The following DOP1A variants were observed in gnomAD, a reference collection of about 807,000 sequenced individuals.
The protein encoded by DOP1A is DOP1 leucine zipper like protein A.
Under a neutral mutation model 267.6 loss-of-function variants are expected in DOP1A, and 90 were observed. The observed-to-expected ratio is 0.34, with a 90% CI of 0.28 to 0.40. The LOEUF is 0.40. Among genes scored for constraint, DOP1A ranks in the 10% least tolerant of loss-of-function variants. DOP1A has a pLI of 1.00. For missense variants in DOP1A, 2,437 were observed against 2,900.4 expected, an observed-to-expected ratio of 0.84 and a Z score of 3.67; for synonymous variants, 932 against 999.1, an observed-to-expected ratio of 0.93 and a Z score of 1.27.
rs1296450423 is a variant in DOP1A at position 83,153,613 on chromosome 6, A to T, written c.6232A>T (p.Asn2078Tyr). Residue 2078 changes from asparagine to tyrosine, a missense_variant, in exon 31 of 39, where the codon AAT (asparagine) becomes TAT (tyrosine). This residue lies in a region of DOP1A where 216 missense variants were observed against 283.3 expected (regional missense o/e 0.76). Coordinates refer to ENST00000349129, the MANE Select transcript of DOP1A (RefSeq NM_015018.4). ...GCATTATGTTGTGCCCTACCTCAGA[A>T]ATCACAGGTACTATCATTATTTAAA... ...IMHYVVPYLR[N>Y]HSAHNAPSYR... is the part of the protein sequence containing the mutation. 2 of 1,589,246 alleles carry T rather than the reference A, an allele frequency of 1.3e-6. No homozygotes were observed. The highest frequency in any genetic ancestry group is 1.7e-6 in the Non-Finnish European group (2 of 1,166,496).
chr6:83,110,430 C>A, intron 6 of DOP1A, 116 bp downstream of exon 6: 2 of 1,072,470 alleles, frequency 1.9e-6, no homozygotes, highest in Non-Finnish European at 2.6e-6. Flanking sequence ...ATCGAGCTTA[C>A]ATTTATCAAG....
chr6:83,145,472 C>A, intron 24 of DOP1A, 52 bp from the exon 25 acceptor site: 1 of 1,402,574 alleles, frequency 7.1e-7, no homozygotes, highest in Non-Finnish European at 9.6e-7. Flanking sequence ...CTGTAACTTC[C>A]CCTAAAAGAC....
chr6:83,155,985 T>C lies in DOP1A; in HGVS notation c.6486T>C (p.Asn2162=). Residue 2162 remains asparagine (N), a synonymous_variant, in exon 34 of 39, where the codon AAT becomes AAC. Transcript: ENST00000349129. ...RVAVAQSSSL[N]LFANRDVELE... ...CAGTGGCTCAAAGCAGTTCACTTAATCTCTTTGCAAACCGTGATGTGGAGC... is the reference window on the plus strand; with the variant it reads ...CAGTGGCTCAAAGCAGTTCACTTAACCTCTTTGCAAACCGTGATGTGGAGC... 1.1e-5 allele frequency: 17 copies of C among 1,614,026 alleles called. No individual in the cohort carries two copies. Among genetic ancestry groups the C allele is most frequent in the Non-Finnish European group, 1.4e-5 (16 of 1,179,962 alleles).
At chr6:83,077,613 C>T (rs1028512404) in intron 1 of DOP1A, among the ~76,000 whole-genome samples, 7 of 151,990 alleles carry the variant, frequency 4.6e-5, no homozygotes, top group African/African-American at 7.3e-5. Context: ...GAGTTAGAGA[C>T]GTCAGTGAGC....
At chr6:83,141,869 TG>T (rs1779703192) in intron 23 of DOP1A, 51 bp from the exon 24 acceptor site, 2 of 1,562,204 alleles carry the variant, frequency 1.3e-6, no homozygotes, top group African/African-American at 2.8e-5. Context: ...TAGTTGTAAA[TG>T]TTTTTTCATT....
At chr6:83,159,442 GTTTT>G (rs566662199) in intron 36 of DOP1A, among the ~76,000 whole-genome samples, 1 of 141,124 alleles carries the variant, frequency 7.1e-6, no homozygotes, top group Non-Finnish European at 1.6e-5. Flanking sequence ...CCTGGCTAGT[GTTTT>G]TTTTTTTTGT....
intron 7 of DOP1A, among the ~76,000 whole-genome samples, chr6:83,117,690 T>C (rs959751012): frequency 1.3e-5 from 2 of 152,138 alleles, no homozygotes; most frequent in Non-Finnish European, 2.9e-5. Flanking sequence ...CCCAATAACA[T>C]CTTTGTATTG....
chr6:83,089,670 A>T (rs1456694429), intron 1 of DOP1A, among the ~76,000 whole-genome samples: 6 of 152,254 alleles, frequency 3.9e-5, no homozygotes, highest in Non-Finnish European at 1.5e-5. Context: ...TTTTATTTTT[A>T]TTTTTTTAAG....
chr6:83,169,840 C>T, downstream of DOP1A: 1 of 456,550 alleles, frequency 2.2e-6, no homozygotes, highest in Non-Finnish European at 4.4e-6. Context: ...AAGTCTTGAC[C>T]CCTGTCAGGG....
At chr6:83,133,980 T>C (rs1778486753) in intron 18 of DOP1A, among the ~76,000 whole-genome samples, 1 of 152,114 alleles carries the variant, frequency 6.6e-6, no homozygotes, top group African/African-American at 2.4e-5. Flanking sequence ...AGATGATCCT[T>C]TTAAGTTCAA....
chr6:83,102,720 G>A (rs985124940), intron 4 of DOP1A, among the ~76,000 whole-genome samples: 8 of 152,100 alleles, frequency 5.3e-5, no homozygotes, highest in Non-Finnish European at 7.4e-5. Flanking sequence ...TAATGTTACC[G>A]TCTTGCTAAA....
At chr6:83,134,375 A>G in intron 19 of DOP1A, 88 bp downstream of exon 19, 2 of 1,002,326 alleles carry the variant, frequency 2.0e-6, no homozygotes, top group Non-Finnish European at 2.8e-6. Flanking sequence ...TGGCAAGTGT[A>G]GGAGATAGCA....
chr6:83,153,153 TG>T (rs2128342441), intron 30 of DOP1A, among the ~76,000 whole-genome samples: 1 of 129,600 alleles, frequency 7.7e-6, no homozygotes, highest in East Asian at 2.2e-4. Flanking sequence ...TTCAATTGTT[TG>T]TTTTTTTTTC....
At chr6:83,092,769 C>T (rs559848546) in intron 1 of DOP1A, among the ~76,000 whole-genome samples, 8 of 152,100 alleles carry the variant, frequency 5.3e-5, no homozygotes, top group Non-Finnish European at 1.0e-4. Context: ...TGTGCTACCA[C>T]AACAGTCAGT....
At chr6:83,086,348 G>A (rs1266830194) in intron 1 of DOP1A, among the ~76,000 whole-genome samples, 1 of 152,176 alleles carries the variant, frequency 6.6e-6, no homozygotes, top group African/African-American at 2.4e-5. Flanking sequence ...TTCATTAAGT[G>A]GAAGTGGATC....
At chr6:83,160,605 CAGTTTT>C (rs1209239504) in intron 37 of DOP1A, among the ~76,000 whole-genome samples, 1 of 151,876 alleles carries the variant, frequency 6.6e-6, no homozygotes, top group Non-Finnish European at 1.5e-5. Flanking sequence ...ATGAAGGAGG[CAGTTTT>C]ATCTTAGATG....
chr6:83,069,777 T>C (rs1180929854), intron 1 of DOP1A, among the ~76,000 whole-genome samples: 1 of 152,192 alleles, frequency 6.6e-6, no homozygotes, highest in Non-Finnish European at 1.5e-5. Context: ...AGTGTAGTTA[T>C]TGATTTTATT....
chr6:83,120,266 T>C (rs777562050), intron 9 of DOP1A, among the ~76,000 whole-genome samples: 4 of 151,870 alleles, frequency 2.6e-5, no homozygotes, highest in Admixed American at 6.6e-5. Flanking sequence ...ATACATGGTA[T>C]CTGAAGCATT....
chr6:83,093,220 C>T (rs1017887360), intron 1 of DOP1A, among the ~76,000 whole-genome samples: 11 of 152,178 alleles, frequency 7.2e-5, no homozygotes, highest in Admixed American at 4.6e-4. Flanking sequence ...GTGCTTGGCA[C>T]ATGGTATGCT....
Sources: allele counts gnomAD v4.1 joint callset (sites outside exome capture counted in the v4.1 genomes callset), GRCh38; gene constraint gnomAD v4.1.1; regional missense constraint gnomAD v4.1.1; transcripts MANE v1.5; gene names NCBI Gene and HGNC (gene_info 2026-07-23, HGNC 2026-07-21).